The following PRKACB variants were observed in gnomAD, a reference collection of about 807,000 sequenced individuals.
PRKACB encodes the protein cAMP-dependent protein kinase catalytic subunit beta.
In PRKACB, 16 loss-of-function variants were observed where a neutral mutation model predicts 51.4. That is an observed-to-expected ratio of 0.31 (90% CI 0.21 to 0.47). PRKACB has a LOEUF of 0.47. PRKACB is among the 20% of genes least tolerant of loss of function. The probability of loss-of-function intolerance (pLI) is 1.00; values close to 1 mark genes in which losing one functional copy is unlikely to be tolerated. For missense variants in PRKACB, 309 were observed against 464.5 expected (o/e 0.67, Z 3.08); for synonymous variants, 147 against 154.4 (o/e 0.95, Z 0.35).
chr1:84,161,919 C>A (rs1000974074), intron 1 of PRKACB, among the ~76,000 whole-genome samples: 5 of 151,942 alleles, frequency 3.3e-5, no homozygotes, highest in Admixed American at 3.3e-4. Context: ...TAGTGCTCTT[C>A]ATTTCTTTCT....
intron 5 of PRKACB, among the ~76,000 whole-genome samples, chr1:84,191,025 G>T (rs866469720): frequency 4.6e-5 from 7 of 152,144 alleles, no homozygotes; most frequent in Middle Eastern, 3.4e-3. Context: ...TACATTCAGG[G>T]TTAGTAGTGA....
At chr1:84,164,927 C>T (rs1318134413) in intron 1 of PRKACB, 8 of 1,517,860 alleles carry the variant, frequency 5.3e-6, no homozygotes, top group Non-Finnish European at 7.0e-6. Context: ...CGGTTCTTCT[C>T]CCTCTAGAGA....
Position 84,144,526 on chromosome 1 carries a change from T to C in PRKACB, c.165T>C (p.His55=). Residue 55 remains histidine (H), a synonymous_variant, in exon 1 of 10, where the codon CAT becomes CAC. Coordinates refer to ENST00000370685, the MANE Select transcript of PRKACB (RefSeq NM_182948.4). ...ATGACAGCCTTCATTTCTCTGAACA[T>C]ACTGCCTTATGGGACAGATCAAGTA... ...LENDSLHFSE[H]TALWDRSMKE... 6.2e-7 allele frequency: 1 copy of C among 1,608,756 alleles called. No individual in the cohort carries two copies. The highest frequency in any genetic ancestry group is 8.5e-7 in the Non-Finnish European group (1 of 1,178,180).
In PRKACB at chr1:84,085,100, A is replaced by G. The variant is rs533861531; in HGVS notation, c.46+6729A>G. ...GAAAGCCAAAGTACTGATGAGAACA[A>G]TGTAACTTTTAAGGAAACAAAGTAA... On this transcript the variant is annotated intron_variant, in intron 1 of 8. Coordinates refer to the PRKACB transcript ENST00000370688. Among the ~76,000 whole-genome samples the G allele has an allele frequency of 4.4e-4, 67 of 152,220 alleles. 1 individual carries two copies. Among genetic ancestry groups the G allele is most frequent in the Non-Finnish European group, 9.0e-4 (61 of 68,042 alleles).
intron 1 of PRKACB, among the ~76,000 whole-genome samples, chr1:84,081,707 G>C (rs547788661): frequency 6.6e-6 from 1 of 152,202 alleles, no homozygotes; most frequent in South Asian, 2.1e-4. Context: ...TAACCTGGGA[G>C]GGGTTTTTAT....
chr1:84,110,817 T>C (rs1650171657), intron 1 of PRKACB, among the ~76,000 whole-genome samples: 1 of 152,082 alleles, frequency 6.6e-6, no homozygotes. Context: ...GGGGAAATTA[T>C]CGTTTCCTGA....
chr1:84,168,139 G>A (rs1229635654), intron 1 of PRKACB, among the ~76,000 whole-genome samples: 1 of 151,600 alleles, frequency 6.6e-6, no homozygotes, highest in Non-Finnish European at 1.5e-5. Context: ...TTATTGGGAT[G>A]CAGAGGATGT....
chr1:84,111,471 C>T (rs1455016948), intron 1 of PRKACB, among the ~76,000 whole-genome samples: 2 of 151,730 alleles, frequency 1.3e-5, no homozygotes, highest in Non-Finnish European at 2.9e-5. Flanking sequence ...ATAGTAATAC[C>T]TTATATTAGT....
At chr1:84,178,223 C>T (rs1662018750) in intron 1 of PRKACB, among the ~76,000 whole-genome samples, 1 of 151,766 alleles carries the variant, frequency 6.6e-6, no homozygotes, top group South Asian at 2.1e-4. Flanking sequence ...CATTGAGAAT[C>T]TTAAAGAATT....
At chr1:84,234,770 G>A (rs11163922) in intron 9 of PRKACB, among the ~76,000 whole-genome samples, 19,460 of 152,160 alleles carry the variant, frequency 0.13, 2,019 homozygotes, top group East Asian at 0.34. Context: ...GCCCTGCTTC[G>A]GCTCGCACAC....
intron 1 of PRKACB, among the ~76,000 whole-genome samples, chr1:84,154,054 A>G (rs1655158150): frequency 6.6e-6 from 1 of 152,038 alleles, no homozygotes; most frequent in African/African-American, 2.4e-5. Flanking sequence ...CTTTTTTATA[A>G]TAGCCATTCT....
chr1:84,215,664 G>GT (rs1179406900), intron 9 of PRKACB, among the ~76,000 whole-genome samples: 3 of 152,010 alleles, frequency 2.0e-5, no homozygotes, highest in Non-Finnish European at 2.9e-5. Flanking sequence ...GTTTTGTTTT[G>GT]TTTTTTGCTA....
chr1:84,080,367 A>G (rs896639178), intron 1 of PRKACB, among the ~76,000 whole-genome samples: 1 of 152,214 alleles, frequency 6.6e-6, no homozygotes, highest in Non-Finnish European at 1.5e-5. Context: ...AATTATTTCT[A>G]TGGATAAATT....
chr1:84,090,295 A>G (rs1571537668), intron 1 of PRKACB, among the ~76,000 whole-genome samples: 2 of 152,204 alleles, frequency 1.3e-5, no homozygotes, highest in African/African-American at 4.8e-5. Flanking sequence ...ACTTCTTCCT[A>G]TTAAATGTTC....
chr1:84,182,286 C>T lies in PRKACB; in HGVS notation c.336C>T (p.Ala112=), dbSNP rs1663756491. Residue 112 remains alanine (A), a synonymous_variant, in exon 3 of 10, where the codon GCC becomes GCT. Transcript: ENST00000370685. ...GAGTCATGTTGGTAAAACACAAAGC[C>T]ACTGAACAGTATTATGCCATGAAGA... ...FGRVMLVKHK[A]TEQYYAMKIL... 1 of 1,604,436 alleles carries T rather than the reference C, an allele frequency of 6.2e-7. No individual in the cohort carries two copies. Among genetic ancestry groups the T allele is most frequent in the Non-Finnish European group, 8.5e-7 (1 of 1,174,906 alleles).
chr1:84,210,792 G>A (rs1672014828), intron 8 of PRKACB, among the ~76,000 whole-genome samples: 1 of 152,088 alleles, frequency 6.6e-6, no homozygotes, highest in African/African-American at 2.4e-5. Flanking sequence ...CAATTTTGTT[G>A]AAGTTATTTT....
intron 1 of PRKACB, among the ~76,000 whole-genome samples, chr1:84,173,142 TA>T (rs778903199): frequency 3.3e-5 from 5 of 150,184 alleles, no homozygotes; most frequent in Non-Finnish European, 7.4e-5. Context: ...TTTGGTTGGT[TA>T]AAAAAAAAGG....
At position 84,195,011 on chromosome 1, in the gene PRKACB, A is replaced by G. The variant is rs185113777; in HGVS notation, c.561-1605A>G. Among the ~76,000 whole-genome samples, 12 of 152,364 alleles carry G rather than the reference A, an allele frequency of 7.9e-5. No homozygotes were observed. The East Asian group carries it at 2.3e-3, about 29-fold the overall frequency. On this transcript the variant is annotated intron_variant, in intron 5 of 9. Transcript: ENST00000370685. Reference sequence around the variant, plus strand: ...GGAAATTAATATTTTATAAGTAAAAAGTAATCATATTAATGACATTTTACA... The same window carrying G: ...GGAAATTAATATTTTATAAGTAAAAGGTAATCATATTAATGACATTTTACA...
chr1:84,164,482 A>G (rs1268529755), intron 1 of PRKACB: 1 of 1,536,740 alleles, frequency 6.5e-7, no homozygotes, highest in African/African-American at 1.4e-5. Flanking sequence ...AAAAGCGTAG[A>G]TTAGTGCTTA....
Sources: allele counts gnomAD v4.1 joint callset (sites outside exome capture counted in the v4.1 genomes callset), GRCh38; gene constraint gnomAD v4.1.1; transcripts MANE v1.5; gene names NCBI Gene and HGNC (gene_info 2026-07-23, HGNC 2026-07-21).